The following TSPEAR variants were observed in gnomAD, a reference collection of about 807,000 sequenced individuals.
The protein encoded by TSPEAR is thrombospondin type laminin G domain and EAR repeats, also known as thrombospondin-type laminin G domain and EAR repeat-containing protein.
A neutral mutation model predicts 71.6 loss-of-function variants in TSPEAR; 69 were observed. The ratio of observed to expected loss-of-function variants is 0.96; its 90% CI spans 0.79 to 1.18. The LOEUF (loss-of-function observed/expected upper bound fraction) is 1.18, where lower values mean the gene tolerates loss of function less well. Among genes scored for constraint, TSPEAR ranks in the 50% most tolerant of loss-of-function variants. The pLI is 0.00. For missense variants in TSPEAR, 971 were observed against 894.9 expected (o/e 1.09, Z -1.09); for synonymous variants, 402 against 387.2 (o/e 1.04, Z -0.45).
chr21:44,568,855 G>T (rs2053744212), intron 1 of TSPEAR, among the ~76,000 whole-genome samples: 1 of 152,190 alleles, frequency 6.6e-6, no homozygotes, highest in Admixed American at 6.5e-5. Flanking sequence ...GGGGCCTCCT[G>T]CCTCAGCCTG....
At chr21:44,668,254 C>T (rs1337725413) in intron 1 of TSPEAR, among the ~76,000 whole-genome samples, 2 of 152,148 alleles carry the variant, frequency 1.3e-5, no homozygotes, top group African/African-American at 4.8e-5. Flanking sequence ...TTTCCATAAA[C>T]TAACAAGCAT....
Position 44,527,308 on chromosome 21 carries a change from A to C in TSPEAR, c.1133T>G (p.Phe378Cys), listed in dbSNP as rs1309219963. 1.1e-5 allele frequency: 17 copies of C among 1,614,176 alleles called. No homozygotes were observed. The highest frequency in any genetic ancestry group is 1.4e-5 in the Non-Finnish European group (17 of 1,180,042). ...CAGACTTGCCTTTTTCCCGATGGTG[A>C]AATGCCTCCAGGCCTGTGCTTGGTG... ...PTHQAQAWRH[F>C]TIGKKIFLAV... The change falls in exon 7 of 12, where the codon TTC becomes TGC. Residue 378 changes from phenylalanine to cysteine, a missense_variant. Physicochemically the swap from Phe to Cys is radical, Grantham distance 205. Transcript: ENST00000323084.
chr21:44,695,156 A>G lies in TSPEAR; in HGVS notation c.82+16277T>C, dbSNP rs994861105. The stretch of plus-strand genomic sequence containing the variant: ...AAAATAACAAGAGACAGTGCCCTCC[A>G]AACTGTGGGGAACCTATCCAGCCTC... On this transcript the variant is annotated intron_variant, in intron 1 of 11. Coordinates refer to ENST00000323084, the MANE Select transcript of TSPEAR (RefSeq NM_144991.3). The surrounding 1 kb of genome is among the most constrained non-coding windows in gnomAD (Gnocchi z 4.5). Among the ~76,000 whole-genome samples the G allele has an allele frequency of 2.6e-4, 40 of 152,322 alleles. No individual in the cohort carries two copies. Among genetic ancestry groups the G allele is most frequent in the Admixed American group, 2.4e-3 (36 of 15,306 alleles).
intron 1 of TSPEAR, among the ~76,000 whole-genome samples, chr21:44,599,171 T>TCTCTCTCTCTCTCTCTCTCTCTCTC (rs1569210763): frequency 8.0e-6 from 1 of 125,074 alleles, no homozygotes; most frequent in East Asian, 2.6e-4. Context: ...TCTCTCTCTC[T>TCTCTCTCTCTCTCTCTCTCTCTCTC]CCTTCCATCC....
In TSPEAR at chr21:44,564,631, T is replaced by C. The variant is rs587690068; in HGVS notation, c.303+3154A>G. Among the ~76,000 whole-genome samples, 90 of 152,228 alleles carry C rather than the reference T, an allele frequency of 5.9e-4. 1 individual carries two copies. The highest frequency in any genetic ancestry group is 1.2e-3 in the Admixed American group (18 of 15,286). On this transcript the variant is annotated intron_variant, in intron 2 of 11. Transcript: ENST00000323084. The stretch of plus-strand genomic sequence containing the variant: ...AATAATAAAAGAGCACCAAAATACA[T>C]GAAGCAAAAGCTGACAGAAATGAAG...
At chr21:44,583,062 G>A (rs889341637) in intron 1 of TSPEAR, among the ~76,000 whole-genome samples, 14 of 151,890 alleles carry the variant, frequency 9.2e-5, no homozygotes, top group African/African-American at 1.5e-4. Context: ...GGCTGGTCTC[G>A]AACTTATGGC....
chr21:44,528,407 A>G, intron 6 of TSPEAR, 45 bp downstream of exon 6: 1 of 1,611,574 alleles, frequency 6.2e-7, no homozygotes, highest in Non-Finnish European at 8.5e-7. Context: ...ACACTGTGCC[A>G]GAGTGGCCCT....
At chr21:44,601,196 AG>A (rs782507448) in intron 1 of TSPEAR, 1 of 1,595,726 alleles carries the variant, frequency 6.3e-7, no homozygotes, top group Non-Finnish European at 8.5e-7. Flanking sequence ...GCGGTCTGTG[AG>A]CCCAGCCCCT....
intron 1 of TSPEAR, among the ~76,000 whole-genome samples, chr21:44,662,207 T>C (rs1555943807): frequency 6.6e-6 from 1 of 152,148 alleles, no homozygotes; most frequent in East Asian, 1.9e-4. Context: ...TTTAATTGGA[T>C]TAAATAATTC....
At chr21:44,552,551 C>G (rs1419491932) in intron 2 of TSPEAR, among the ~76,000 whole-genome samples, 1 of 152,154 alleles carries the variant, frequency 6.6e-6, no homozygotes, top group Non-Finnish European at 1.5e-5. Context: ...GTGAGCAGGC[C>G]CCTGGTCACC....
intron 1 of TSPEAR, among the ~76,000 whole-genome samples, chr21:44,670,915 G>T (rs1430160236): frequency 6.6e-6 from 1 of 152,206 alleles, no homozygotes; most frequent in Non-Finnish European, 1.5e-5. Flanking sequence ...GCATCAATAA[G>T]GCAGGGGTTC....
chr21:44,637,800 A>T lies in TSPEAR; in HGVS notation c.83-69795T>A, dbSNP rs782299390. On this transcript the variant is annotated intron_variant, in intron 1 of 11. Coordinates refer to ENST00000323084, the MANE Select transcript of TSPEAR (RefSeq NM_144991.3). Reference sequence around the variant, plus strand: ...TCCGAGTCTTCCCCTTCATGCTGCCAGCAGTCTAGCTGCCAGCCAACTTGC... The same window carrying T: ...TCCGAGTCTTCCCCTTCATGCTGCCTGCAGTCTAGCTGCCAGCCAACTTGC... The T allele has an allele frequency of 5.1e-6, 7 of 1,367,028 alleles. No individual in the cohort carries two copies. The South Asian group carries it at 9.4e-5, about 18-fold the overall frequency. 84.7% of individuals were successfully genotyped at this position (1,367,028 alleles called of 1,614,324 possible). A position where few individuals can be genotyped will look rare whatever the true frequency, so the allele number is the denominator to read the frequency against.
At chr21:44,663,954 G>A (rs1281110388) in intron 1 of TSPEAR, among the ~76,000 whole-genome samples, 1 of 152,008 alleles carries the variant, frequency 6.6e-6, no homozygotes, top group African/African-American at 2.4e-5. Context: ...GAAATTAAAA[G>A]GAACTTCTTT....
At chr21:44,549,709 G>A (rs1334417184) in intron 2 of TSPEAR, among the ~76,000 whole-genome samples, 1 of 152,226 alleles carries the variant, frequency 6.6e-6, no homozygotes, top group African/African-American at 2.4e-5. Flanking sequence ...ATCTGGACCT[G>A]TGCGTCCACG....
chr21:44,511,804 G>A (rs1203138581), intron 9 of TSPEAR, among the ~76,000 whole-genome samples: 8 of 152,258 alleles, frequency 5.3e-5, no homozygotes, highest in African/African-American at 1.7e-4. Flanking sequence ...GGAAAGGCCC[G>A]GAGTGCCCGC....
chr21:44,599,172 C>CTCTCTCT (rs1372930980), intron 1 of TSPEAR, among the ~76,000 whole-genome samples: 31 of 146,048 alleles, frequency 2.1e-4, no homozygotes, highest in Non-Finnish European at 3.1e-4. Flanking sequence ...CTCTCTCTCT[C>CTCTCTCT]CTTCCATCCC....
chr21:44,677,218 C>A, intron 1 of TSPEAR: 1 of 713,462 alleles, frequency 1.4e-6, no homozygotes. Flanking sequence ...TTCATCTTCT[C>A]TACCTCTTCT....
At chr21:44,550,183 G>T (rs782121691) in intron 2 of TSPEAR, among the ~76,000 whole-genome samples, 1 of 152,240 alleles carries the variant, frequency 6.6e-6, no homozygotes, top group African/African-American at 2.4e-5. Flanking sequence ...GAGGGGAGCC[G>T]GACAGCAGAA....
At chr21:44,500,584 A>G (rs79102119) in intron 11 of TSPEAR, among the ~76,000 whole-genome samples, 5,073 of 152,270 alleles carry the variant, frequency 0.033, 274 homozygotes, top group African/African-American at 0.11. Context: ...TTCTGGAAAA[A>G]CCGTGGTGGC....
Sources: gnomAD v4.1 joint callset for allele counts (sites outside exome capture counted in the v4.1 genomes callset) on GRCh38, gnomAD v4.1.1 for gene constraint, Gnocchi (gnomAD v3.1) non-coding constraint, MANE v1.5 for transcripts, NCBI Gene and HGNC (gene_info 2026-07-23, HGNC 2026-07-21) for gene names.